The following RTL4 variants were observed in gnomAD, a reference collection of about 807,000 sequenced individuals.
The protein encoded by RTL4 is retrotransposon Gag-like protein 4.
Under a neutral mutation model 5.3 loss-of-function variants are expected in RTL4, and 4 were observed. That is an observed-to-expected ratio of 0.75 (90% CI 0.37 to 1.72). The LOEUF is 1.72. Ranked by LOEUF, RTL4 falls within the 40% of genes most tolerant of loss-of-function variation. RTL4 has a pLI of 0.04. For missense variants in RTL4, 260 were observed against 227.1 expected (o/e 1.14, Z -0.93); for synonymous variants, 98 against 87.3 (o/e 1.12, Z -0.68).
chrX:112,173,093 A>G, the RTL4 span, among the ~76,000 whole-genome samples: 1 of 110,365 alleles, frequency 9.1e-6, no homozygotes, highest in Non-Finnish European at 1.9e-5. Flanking sequence ...AGTGCAGCAA[A>G]CCATCAAGGC....
the RTL4 span, among the ~76,000 whole-genome samples, chrX:112,113,591 G>A: frequency 9.0e-6 from 1 of 111,149 alleles, no homozygotes; most frequent in Non-Finnish European, 1.9e-5. Flanking sequence ...CCCAGTGAGG[G>A]TGGTGACATG....
At chrX:112,361,714 G>C in the RTL4 span, among the ~76,000 whole-genome samples, 1 of 110,725 alleles carries the variant, frequency 9.0e-6, no homozygotes, top group Non-Finnish European at 1.9e-5. Flanking sequence ...TTCTGGTCTC[G>C]TGAATGTGTG....
At chrX:112,150,752 C>A in the RTL4 span, among the ~76,000 whole-genome samples, 6 of 111,975 alleles carry the variant, frequency 5.4e-5, no homozygotes, top group Admixed American at 9.5e-5. Flanking sequence ...GATGGAATTC[C>A]GGTTAAATAA....
At chrX:112,406,318 G>A in the RTL4 span, among the ~76,000 whole-genome samples, 1 of 111,833 alleles carries the variant, frequency 8.9e-6, no homozygotes, top group South Asian at 3.7e-4. Flanking sequence ...GCACTGTGCT[G>A]GCATCTGTTG....
At chrX:112,192,062 G>A in the RTL4 span, among the ~76,000 whole-genome samples, 1 of 97,285 alleles carries the variant, frequency 1.0e-5, no homozygotes, top group South Asian at 4.4e-4. Flanking sequence ...TGTTAGTGCA[G>A]AGAAATACTA....
the RTL4 span, among the ~76,000 whole-genome samples, chrX:112,228,038 G>GGTATGACAA: frequency 9.0e-6 from 1 of 111,285 alleles, no homozygotes; most frequent in African/African-American, 3.3e-5. Context: ...TGTAGATAAA[G>GGTATGACAA]GTATGACAAT....
At chrX:112,282,946 T>A in the RTL4 span, among the ~76,000 whole-genome samples, 1 of 111,601 alleles carries the variant, frequency 9.0e-6, no homozygotes, top group Non-Finnish European at 1.9e-5. Flanking sequence ...GATACTTTTT[T>A]AAATAGAAAG....
chrX:112,246,405 C>CTACT, the RTL4 span, among the ~76,000 whole-genome samples: 1 of 111,843 alleles, frequency 8.9e-6, no homozygotes, highest in Admixed American at 9.5e-5. Flanking sequence ...CTTTGTTTAC[C>CTACT]TACTCAAGCT....
At chrX:112,394,640 A>G in the RTL4 span, among the ~76,000 whole-genome samples, 1 of 112,118 alleles carries the variant, frequency 8.9e-6, no homozygotes, top group Non-Finnish European at 1.9e-5. Context: ...TTAGCTATGG[A>G]ATAACAAGAG....
chrX:112,437,705 C>T, the RTL4 span, among the ~76,000 whole-genome samples: 1 of 109,802 alleles, frequency 9.1e-6, no homozygotes. Context: ...TGATCTTATT[C>T]GATTGTTTTC....
the RTL4 span, among the ~76,000 whole-genome samples, chrX:112,361,908 A>G: frequency 9.0e-6 from 1 of 111,527 alleles, no homozygotes; most frequent in Non-Finnish European, 1.9e-5. Flanking sequence ...ATTGGAATTG[A>G]CTAAATTCTT....
chrX:112,408,159 G>C, the RTL4 span, among the ~76,000 whole-genome samples: 22 of 110,985 alleles, frequency 2.0e-4, no homozygotes, highest in African/African-American at 7.2e-4. Flanking sequence ...ACTAAATAAG[G>C]CACCAAGGAC....
chrX:112,160,578 A>G, the RTL4 span, among the ~76,000 whole-genome samples: 1 of 111,967 alleles, frequency 8.9e-6, no homozygotes, highest in Non-Finnish European at 1.9e-5. Flanking sequence ...AAAAAATGCC[A>G]TGGGGAAGGG....
At chrX:112,156,696 A>G in the RTL4 span, among the ~76,000 whole-genome samples, 3 of 111,954 alleles carry the variant, frequency 2.7e-5, no homozygotes, top group African/African-American at 9.8e-5. Context: ...AAAAAAGTTA[A>G]AAACAGCTTC....
At chrX:112,441,684 A>G in the RTL4 span, among the ~76,000 whole-genome samples, 2 of 112,268 alleles carry the variant, frequency 1.8e-5, no homozygotes, top group Non-Finnish European at 3.8e-5. Context: ...ATCTAAACAA[A>G]GATAAATGAT....
At chrX:112,094,486 T>C in the RTL4 span, among the ~76,000 whole-genome samples, 6 of 110,510 alleles carry the variant, frequency 5.4e-5, no homozygotes, top group Admixed American at 1.9e-4. Context: ...GGGGTCAAGG[T>C]CAGTGACAAG....
the RTL4 span, among the ~76,000 whole-genome samples, chrX:112,280,058 A>G: frequency 8.9e-6 from 1 of 111,829 alleles, no homozygotes; most frequent in Non-Finnish European, 1.9e-5. Context: ...GGGAAAAAAA[A>G]GAATGCCAAA....
At chrX:112,243,480 G>T in the RTL4 span, among the ~76,000 whole-genome samples, 5 of 111,659 alleles carry the variant, frequency 4.5e-5, no homozygotes, top group African/African-American at 1.3e-4. Flanking sequence ...TAGTATATTT[G>T]TGTAGAGGTT....
At chrX:112,438,672 C>T in the RTL4 span, among the ~76,000 whole-genome samples, 1 of 112,444 alleles carries the variant, frequency 8.9e-6, no homozygotes, top group Non-Finnish European at 1.9e-5. Context: ...CTGTCCTACT[C>T]ATCTCTATGA....
Sources: gnomAD v4.1 joint callset for allele counts (sites outside exome capture counted in the v4.1 genomes callset) on GRCh38, gnomAD v4.1.1 for gene constraint, MANE v1.5 for transcripts, NCBI Gene and HGNC (gene_info 2026-07-23, HGNC 2026-07-21) for gene names.